Variants in CDH7 observed in about 807,000 individuals in gnomAD.
CDH7 encodes the protein cadherin-7.
Under a neutral mutation model 71.8 loss-of-function variants are expected in CDH7, and 25 were observed. That is an observed-to-expected ratio of 0.35 (90% CI 0.25 to 0.49). The LOEUF (loss-of-function observed/expected upper bound fraction) is 0.49, where lower values mean the gene tolerates loss of function less well. Among genes scored for constraint, CDH7 ranks in the 20% least tolerant of loss-of-function variants. The pLI, the probability that CDH7 is intolerant of heterozygous loss-of-function variation, is 0.99. For missense variants in CDH7, 862 were observed against 974.6 expected (o/e 0.88, Z 1.54); for synonymous variants, 381 against 363.8 (o/e 1.05, Z -0.54).
At chr18:65,768,766 T>G (rs1202170484) in intron 2 of CDH7, among the ~76,000 whole-genome samples, 5 of 152,114 alleles carry the variant, frequency 3.3e-5, no homozygotes, top group Non-Finnish European at 5.9e-5. Flanking sequence ...AGGACTATAT[T>G]GGGAGAAATT....
intron 7 of CDH7, among the ~76,000 whole-genome samples, chr18:65,848,835 T>A (rs12970562): frequency 0.27 from 34,297 of 125,884 alleles, 4,626 homozygotes; most frequent in East Asian, 0.42. Context: ...GGATAATATT[T>A]ACCCGTGGGC....
rs923212877 is a variant in CDH7, at chr18:65,814,425, G to A, written c.506-60G>A. The A allele has an allele frequency of 9.5e-6, 15 of 1,586,046 alleles. 1 individual carries two copies. Among genetic ancestry groups the A allele is most frequent in the Admixed American group, 3.4e-5 (2 of 59,608 alleles). On this transcript the variant is annotated intron_variant, in intron 3 of 11. Transcript: ENST00000397968. ...ATGTGGAATCAGTAACATTTTGTAC[G>A]TTTTTTGTTTTGTGGTATTTGGAAG...
rs1391478013 is a variant in CDH7, at chr18:65,781,950, CTCTT to C, written c.210+18902_210+18905del. Among the ~76,000 whole-genome samples the C allele has an allele frequency of 1.3e-4, 13 of 101,802 alleles. 1 individual carries two copies. Among genetic ancestry groups the C allele is most frequent in the South Asian group, 3.3e-4 (1 of 3,042 alleles). 66.8% of individuals were successfully genotyped at this position (101,802 alleles called of 152,430 possible). A position where few individuals can be genotyped will look rare whatever the true frequency, so the allele number is the denominator to read the frequency against. On this transcript the variant is annotated intron_variant, in intron 2 of 11. Coordinates refer to ENST00000397968, the MANE Select transcript of CDH7 (RefSeq NM_004361.5). The stretch of plus-strand genomic sequence containing the variant: ...TCTCTCTCTCTCTCTCTCTCTTTCT[CTCTT>C]TCTCTCTTTCTCTCTCTCTCTCTCT...
intron 6 of CDH7, among the ~76,000 whole-genome samples, chr18:65,837,047 T>G (rs1912555646): frequency 6.6e-6 from 1 of 152,192 alleles, no homozygotes; most frequent in African/African-American, 2.4e-5. Context: ...ATCAACAGTG[T>G]GCACCTAGGT....
chr18:65,858,160 C>G lies in CDH7; in HGVS notation c.1372+208C>G, dbSNP rs114729875. Reference sequence around the variant, plus strand: ...TTACAAAATTTATGAAAACCAAGGACTAAAAAACAATGGGCCTATATTACC... The same window carrying G: ...TTACAAAATTTATGAAAACCAAGGAGTAAAAAACAATGGGCCTATATTACC... On this transcript the variant is annotated intron_variant, in intron 8 of 11. Coordinates refer to ENST00000397968, the MANE Select transcript of CDH7 (RefSeq NM_004361.5). Among the ~76,000 whole-genome samples, 398 of 152,122 alleles carry G rather than the reference C, an allele frequency of 2.6e-3. 2 individuals are homozygous for G. The highest frequency in any genetic ancestry group is 9.2e-3 in the African/African-American group (384 of 41,530).
intron 11 of CDH7, among the ~76,000 whole-genome samples, chr18:65,876,591 C>T (rs1298332538): frequency 6.6e-6 from 1 of 152,086 alleles, no homozygotes; most frequent in Non-Finnish European, 1.5e-5. Context: ...CTGTCCCTAC[C>T]CTCAGCCTCC....
At chr18:65,811,992 T>A (rs926454309) in intron 3 of CDH7, among the ~76,000 whole-genome samples, 2 of 104,228 alleles carry the variant, frequency 1.9e-5, no homozygotes. Context: ...TTTTGCGAGA[T>A]GGAGTCTCAC....
chr18:65,850,189 A>AT (rs373950984), intron 7 of CDH7, among the ~76,000 whole-genome samples: 85,928 of 143,638 alleles, frequency 0.6, 27,276 homozygotes, highest in East Asian at 0.89. Flanking sequence ...TATATATATA[A>AT]AATTAAATAC....
chr18:65,840,907 A>G (rs2032465011), intron 6 of CDH7, among the ~76,000 whole-genome samples: 1 of 151,998 alleles, frequency 6.6e-6, no homozygotes, highest in Non-Finnish European at 1.5e-5. Flanking sequence ...GTTATTTTTC[A>G]AGTATAATCT....
intron 2 of CDH7, among the ~76,000 whole-genome samples, chr18:65,766,933 C>G (rs1430771770): frequency 8.7e-6 from 1 of 115,248 alleles, no homozygotes; most frequent in Non-Finnish European, 1.9e-5. Flanking sequence ...GTCTACAAAA[C>G]CACTCAGCCT....
intron 2 of CDH7, among the ~76,000 whole-genome samples, chr18:65,780,971 T>TC (rs1405379021): frequency 3.4e-5 from 5 of 147,280 alleles, no homozygotes; most frequent in Non-Finnish European, 7.5e-5. Context: ...TGTCCAAATC[T>TC]CTGATGCTCA....
intron 5 of CDH7, among the ~76,000 whole-genome samples, chr18:65,822,963 ATG>A (rs1246340442): frequency 6.6e-6 from 1 of 151,770 alleles, no homozygotes; most frequent in African/African-American, 2.4e-5. Context: ...CCCTAAGTGT[ATG>A]TGTTATTTCT....
At chr18:65,826,137 T>G (rs898445506) in intron 6 of CDH7, among the ~76,000 whole-genome samples, 3 of 151,438 alleles carry the variant, frequency 2.0e-5, no homozygotes, top group Admixed American at 1.3e-4. Flanking sequence ...CTGGAAATTT[T>G]AGAAAATTGC....
intron 2 of CDH7, among the ~76,000 whole-genome samples, chr18:65,805,385 C>A (rs905022621): frequency 2.0e-5 from 3 of 152,106 alleles, no homozygotes; most frequent in African/African-American, 7.2e-5. Flanking sequence ...ATAGACTACA[C>A]TGTGAGATGT....
Position 65,881,012 on chromosome 18 carries a change from A to G in CDH7, c.*118A>G. ...AACAAGAACTCCCCTTGCTGGAGAC[A>G]GATGGTTGTAAATATTTCTCCATTT... On this transcript the variant is annotated 3_prime_UTR_variant, in exon 12 of 12. Coordinates refer to ENST00000397968, the MANE Select transcript of CDH7 (RefSeq NM_004361.5). The G allele has an allele frequency of 1.0e-6, 1 of 974,814 alleles. No individual in the cohort carries two copies. Among genetic ancestry groups the G allele is most frequent in the African/African-American group, 1.6e-5 (1 of 60,848 alleles). 60.4% of individuals were successfully genotyped at this position (974,814 alleles called of 1,614,324 possible). A position where few individuals can be genotyped will look rare whatever the true frequency, so the allele number is the denominator to read the frequency against.
intron 4 of CDH7, among the ~76,000 whole-genome samples, chr18:65,817,430 G>C (rs1185332278): frequency 6.6e-6 from 1 of 152,118 alleles, no homozygotes; most frequent in East Asian, 1.9e-4. Context: ...GCCAGCACTG[G>C]AATTCTTTGA....
intron 6 of CDH7, among the ~76,000 whole-genome samples, chr18:65,841,063 C>G (rs1191747756): frequency 6.6e-6 from 1 of 151,942 alleles, no homozygotes; most frequent in African/African-American, 2.4e-5. Context: ...AAAACTAGAT[C>G]CTGGCATATT....
chr18:65,778,529 C>CTTTTTTTTTTTTTTTT (rs1156727313), intron 2 of CDH7, among the ~76,000 whole-genome samples: 4,022 of 83,114 alleles, frequency 0.048, 401 homozygotes, highest in Non-Finnish European at 0.058. Flanking sequence ...GCGTCTCACT[C>CTTTTTTTTTTTTTTTT]TTTTTTTTTT....
intron 4 of CDH7, among the ~76,000 whole-genome samples, chr18:65,816,916 T>C (rs1427160169): frequency 6.6e-6 from 1 of 152,208 alleles, no homozygotes; most frequent in African/African-American, 2.4e-5. Context: ...TTAGGAGTAT[T>C]CTAAGGTGTA....
Sources: allele counts gnomAD v4.1 joint callset (sites outside exome capture counted in the v4.1 genomes callset), GRCh38; gene constraint gnomAD v4.1.1; transcripts MANE v1.5; gene names NCBI Gene and HGNC (gene_info 2026-07-23, HGNC 2026-07-21).